The following LRRC4C variants were observed in gnomAD, a reference collection of about 807,000 sequenced individuals.
The protein encoded by LRRC4C is leucine rich repeat containing 4C.
LRRC4C carries 5 observed loss-of-function variants against 33.6 expected under a neutral mutation model. The observed-to-expected ratio is 0.15, with a 90% CI of 0.08 to 0.31. The LOEUF (loss-of-function observed/expected upper bound fraction) is 0.31. LRRC4C is among the 10% of genes least tolerant of loss of function. LRRC4C has a pLI of 1.00. For synonymous variants in LRRC4C, 329 were observed against 302.0 expected, an observed-to-expected ratio of 1.09 and a Z score of -0.93; for missense variants, 560 against 796.7, an observed-to-expected ratio of 0.70 and a Z score of 3.58.
intron 3 of LRRC4C, among the ~76,000 whole-genome samples, chr11:40,430,855 C>A (rs907333736): frequency 6.8e-6 from 1 of 146,370 alleles, no homozygotes; most frequent in African/African-American, 2.5e-5. Flanking sequence ...GAACAAAAAA[C>A]CAAACACCGC....
intron 2 of LRRC4C, among the ~76,000 whole-genome samples, chr11:40,862,737 C>A (rs1954163591): frequency 6.6e-6 from 1 of 152,220 alleles, no homozygotes; most frequent in Admixed American, 6.5e-5. Flanking sequence ...GATTCTGTCA[C>A]CTAGACCCAC....
In LRRC4C at chr11:40,709,453, T is replaced by C. The variant is rs563503221; in HGVS notation, c.-406-61175A>G. ...TGTCTGTAAAGGATTTTATTTCTCC[T>C]TCACTTATGAAGCTTAGTTTGGCTG... On this transcript the variant is annotated intron_variant, in intron 2 of 6. Coordinates refer to ENST00000528697, the MANE Select transcript of LRRC4C (RefSeq NM_001258419.2). Among the ~76,000 whole-genome samples, 114 of 152,254 alleles carry C rather than the reference T, an allele frequency of 7.5e-4. 1 individual carries two copies. The highest frequency in any genetic ancestry group is 2.4e-3 in the African/African-American group (98 of 41,556).
At chr11:40,130,895 T>G (rs570476725) in intron 6 of LRRC4C, among the ~76,000 whole-genome samples, 1 of 152,286 alleles carries the variant, frequency 6.6e-6, no homozygotes, top group South Asian at 2.1e-4. Flanking sequence ...TAAATCAAAA[T>G]TGTACCCAGT....
chr11:41,361,683 ATC>A (rs1354618208), intron 1 of LRRC4C, among the ~76,000 whole-genome samples: 1 of 152,250 alleles, frequency 6.6e-6, no homozygotes, highest in Non-Finnish European at 1.5e-5. Context: ...TTTAAATTAT[ATC>A]TCTGAATTCT....
chr11:41,051,713 T>G (rs1309518219), intron 1 of LRRC4C, among the ~76,000 whole-genome samples: 1 of 152,084 alleles, frequency 6.6e-6, no homozygotes, highest in African/African-American at 2.4e-5. Context: ...CTTTTCTAGT[T>G]GCATTTTTCT....
chr11:40,432,034 G>T (rs1435010883), intron 3 of LRRC4C, among the ~76,000 whole-genome samples: 1 of 152,140 alleles, frequency 6.6e-6, no homozygotes, highest in African/African-American at 2.4e-5. Flanking sequence ...TTGAGCACAG[G>T]TTCTACCAGT....
chr11:40,355,997 T>TAGTATAGTATA (rs59814710), intron 3 of LRRC4C, among the ~76,000 whole-genome samples: 1 of 151,744 alleles, frequency 6.6e-6, no homozygotes, highest in Non-Finnish European at 1.5e-5. Context: ...TAGTATAGTA[T>TAGTATAGTATA]GAGATTAAGT....
At chr11:41,100,867 G>A (rs749448652) in intron 1 of LRRC4C, among the ~76,000 whole-genome samples, 17 of 152,184 alleles carry the variant, frequency 1.1e-4, no homozygotes, top group Non-Finnish European at 2.2e-4. Context: ...GAACAGAATA[G>A]AGAGCCCAGA....
At chr11:40,233,156 T>C (rs1865322842) in intron 5 of LRRC4C, among the ~76,000 whole-genome samples, 1 of 152,200 alleles carries the variant, frequency 6.6e-6, no homozygotes, top group Non-Finnish European at 1.5e-5. Flanking sequence ...CTTGTAATGC[T>C]CATTCTCTTT....
intron 4 of LRRC4C, among the ~76,000 whole-genome samples, chr11:40,263,266 A>C (rs969229248): frequency 6.6e-6 from 1 of 152,176 alleles, no homozygotes; most frequent in Non-Finnish European, 1.5e-5. Context: ...ACATGGGACC[A>C]GTGATTTTCA....
intron 2 of LRRC4C, among the ~76,000 whole-genome samples, chr11:40,747,648 G>C (rs1377837452): frequency 1.3e-5 from 2 of 151,798 alleles, no homozygotes; most frequent in African/African-American, 4.8e-5. Flanking sequence ...TAATTCTTAA[G>C]AGCAACACAA....
intron 1 of LRRC4C, among the ~76,000 whole-genome samples, chr11:41,197,138 A>G (rs1396724128): frequency 6.6e-6 from 1 of 152,092 alleles, no homozygotes; most frequent in African/African-American, 2.4e-5. Flanking sequence ...TTCAAGTGAT[A>G]AAACTGCAAT....
At chr11:40,707,150 C>A (rs553987054) in intron 2 of LRRC4C, among the ~76,000 whole-genome samples, 1 of 152,310 alleles carries the variant, frequency 6.6e-6, no homozygotes, top group African/African-American at 2.4e-5. Flanking sequence ...ATCATGTCAT[C>A]TGCAAACAGG....
intron 1 of LRRC4C, among the ~76,000 whole-genome samples, chr11:41,287,770 G>T (rs1949874959): frequency 6.6e-6 from 1 of 152,186 alleles, no homozygotes; most frequent in Non-Finnish European, 1.5e-5. Flanking sequence ...GAGTCCAGTT[G>T]TGAGGCTTTC....
intron 2 of LRRC4C, among the ~76,000 whole-genome samples, chr11:40,831,896 T>C (rs1305934096): frequency 6.6e-6 from 1 of 152,142 alleles, no homozygotes; most frequent in Non-Finnish European, 1.5e-5. Context: ...ATAAGGTCTG[T>C]AATTCAAGAT....
At chr11:40,724,619 G>T (rs1394496273) in intron 2 of LRRC4C, among the ~76,000 whole-genome samples, 3 of 152,028 alleles carry the variant, frequency 2.0e-5, no homozygotes, top group African/African-American at 7.2e-5. Context: ...CACATTAAGA[G>T]GAAAGTTTGT....
At chr11:41,058,140 A>T (rs1858769942) in intron 1 of LRRC4C, among the ~76,000 whole-genome samples, 1 of 152,226 alleles carries the variant, frequency 6.6e-6, no homozygotes, top group South Asian at 2.1e-4. Flanking sequence ...AGCAAAGAGA[A>T]GGAAAGAAGA....
intron 1 of LRRC4C, among the ~76,000 whole-genome samples, chr11:41,085,130 A>C (rs1325236914): frequency 2.6e-5 from 4 of 152,338 alleles, no homozygotes; most frequent in African/African-American, 9.6e-5. Context: ...AAGCTAGTGA[A>C]GTTTAAGAAT....
intron 2 of LRRC4C, among the ~76,000 whole-genome samples, chr11:40,806,456 G>A (rs1951254330): frequency 6.6e-6 from 1 of 152,204 alleles, no homozygotes. Flanking sequence ...CCCCAAGAGG[G>A]AGACAAGCAG....
Sources: gnomAD v4.1 joint callset for allele counts (sites outside exome capture counted in the v4.1 genomes callset) on GRCh38, gnomAD v4.1.1 for gene constraint, MANE v1.5 for transcripts, NCBI Gene and HGNC (gene_info 2026-07-23, HGNC 2026-07-21) for gene names.